Variants in LANCL3 observed in about 807,000 individuals in gnomAD.
LANCL3 encodes lanC-like protein 3.
LANCL3 carries 19 observed loss-of-function variants against 26.5 expected under a neutral mutation model. The observed-to-expected ratio is 0.72, with a 90% CI of 0.50 to 1.05. The LOEUF is 1.05. Ranked by LOEUF, LANCL3 falls within the 50% of genes least tolerant of loss-of-function variation. The pLI is 0.00. For missense variants in LANCL3, 318 were observed against 362.7 expected (o/e 0.88, Z 1.00); for synonymous variants, 160 against 166.6 (o/e 0.96, Z 0.30).
rs781997699 is a variant in LANCL3, at chrX:37,627,677, T to C, written c.574-28011T>C. On this transcript the variant is annotated intron_variant, in intron 1 of 4. Transcript: ENST00000378619. ...GCCAACACTGAGGTATTGGCATTACTCAGTGAGAGAGTGCTAGCACCTCAG... is the reference window on the plus strand; with the variant it reads ...GCCAACACTGAGGTATTGGCATTACCCAGTGAGAGAGTGCTAGCACCTCAG... 1.2e-4 allele frequency among the ~76,000 whole-genome samples: 13 copies of C among 111,764 alleles called. No homozygotes were observed. The East Asian group carries it at 3.7e-3, about 32-fold the overall frequency.
intron 1 of LANCL3, among the ~76,000 whole-genome samples, chrX:37,644,705 C>T (rs1390797950): frequency 8.9e-6 from 1 of 112,364 alleles, no homozygotes; most frequent in African/African-American, 3.2e-5. Context: ...CCCTGTAGCC[C>T]TCCTCTTCTT....
At chrX:37,657,220 G>T (rs1413326004) in intron 2 of LANCL3, among the ~76,000 whole-genome samples, 5 of 112,845 alleles carry the variant, frequency 4.4e-5, no homozygotes, top group Non-Finnish European at 7.5e-5. Flanking sequence ...TACTCCTGTG[G>T]CCAGAGAAAG....
chrX:37,637,409 A>G (rs1444805591), intron 1 of LANCL3, among the ~76,000 whole-genome samples: 2 of 111,933 alleles, frequency 1.8e-5, no homozygotes, highest in Non-Finnish European at 3.8e-5. Context: ...TTGCCATGTC[A>G]TATAACACTA....
intron 1 of LANCL3, among the ~76,000 whole-genome samples, chrX:37,603,010 C>T (rs7888764): frequency 0.19 from 20,930 of 111,175 alleles, 3,107 homozygotes; most frequent in African/African-American, 0.51. Flanking sequence ...AAAAGACAAA[C>T]TTTAATTTAG....
chrX:37,637,322 A>G (rs1364526853), intron 1 of LANCL3, among the ~76,000 whole-genome samples: 3 of 111,899 alleles, frequency 2.7e-5, no homozygotes, highest in Non-Finnish European at 5.6e-5. Context: ...GTCCTTACTA[A>G]TATAACCCTA....
intron 1 of LANCL3, among the ~76,000 whole-genome samples, chrX:37,628,383 C>T (rs1556423452): frequency 5.4e-5 from 6 of 110,994 alleles, no homozygotes; most frequent in Admixed American, 9.6e-5. Flanking sequence ...AACTATCCTA[C>T]ATTAATGAAG....
rs143577792 is a variant in LANCL3, at chrX:37,617,609, A to G, written c.574-38079A>G. ...TAGAACATAAGACTACCAGTATACC[A>G]GGGTCTGTTCAACTTTCCATGACTT... On this transcript the variant is annotated intron_variant, in intron 1 of 4. Coordinates refer to ENST00000378619, the MANE Select transcript of LANCL3 (RefSeq NM_001170331.2). 5.3e-3 allele frequency among the ~76,000 whole-genome samples: 588 copies of G among 111,877 alleles called. 2 individuals are homozygous for G. Among genetic ancestry groups the G allele is most frequent in the African/African-American group, 0.018 (560 of 30,712 alleles).
chrX:37,649,555 A>T (rs1282294099), intron 1 of LANCL3, among the ~76,000 whole-genome samples: 6 of 111,976 alleles, frequency 5.4e-5, no homozygotes, highest in Admixed American at 1.9e-4. Context: ...CACATTCTGC[A>T]CATGTATCCC....
At chrX:37,656,044 A>G (rs1207088909) in intron 2 of LANCL3, among the ~76,000 whole-genome samples, 2 of 112,134 alleles carry the variant, frequency 1.8e-5, no homozygotes, top group African/African-American at 6.5e-5. Context: ...TACTTTCACT[A>G]AAGACTAATA....
At chrX:37,649,191 C>G (rs1159274470) in intron 1 of LANCL3, among the ~76,000 whole-genome samples, 1 of 112,095 alleles carries the variant, frequency 8.9e-6, no homozygotes, top group Admixed American at 9.4e-5. Context: ...ATAGCAAAGT[C>G]ATGGAAACAA....
At chrX:37,584,008 C>G (rs1220739648) in intron 1 of LANCL3, among the ~76,000 whole-genome samples, 20 of 111,661 alleles carry the variant, frequency 1.8e-4, no homozygotes, top group Non-Finnish European at 3.6e-4. Flanking sequence ...ACCTAATTTA[C>G]TGAGAGTTTT....
intron 4 of LANCL3, among the ~76,000 whole-genome samples, chrX:37,672,719 G>T (rs1468932182): frequency 1.8e-5 from 2 of 111,255 alleles, no homozygotes; most frequent in African/African-American, 6.6e-5. Context: ...GCATATCTTG[G>T]CACTCACAAC....
At position 37,680,568 on chromosome X, in the gene LANCL3, G is replaced by T. The variant is rs1274949647; in HGVS notation, c.*4755G>T. The T allele has an allele frequency of 9.0e-6, 1 of 111,580 alleles. No homozygotes were observed. The highest frequency in any genetic ancestry group is 3.3e-5 in the African/African-American group (1 of 30,595). 9.2% of individuals were successfully genotyped at this position (111,580 alleles called of 1,213,427 possible). A position where few individuals can be genotyped will look rare whatever the true frequency, so the allele number is the denominator to read the frequency against. ...TAATTACCCCCTCTGAACTGAATTT[G>T]AAAAAATTAATTAAAATAACCGAAT... On this transcript the variant is annotated 3_prime_UTR_variant, in exon 5 of 5. Transcript: ENST00000378619.
At chrX:37,622,244 C>T (rs960190300) in intron 1 of LANCL3, among the ~76,000 whole-genome samples, 2 of 111,280 alleles carry the variant, frequency 1.8e-5, no homozygotes, top group Admixed American at 1.9e-4. Context: ...TACTTTAGCT[C>T]ATTTTACAAC....
intron 1 of LANCL3, among the ~76,000 whole-genome samples, chrX:37,629,329 C>T (rs1556423684): frequency 9.4e-6 from 1 of 106,760 alleles, no homozygotes; most frequent in Non-Finnish European, 1.9e-5. Flanking sequence ...TTTGAGTTCA[C>T]TGTAGATTCT....
intron 1 of LANCL3, among the ~76,000 whole-genome samples, chrX:37,644,246 A>C (rs1347160035): frequency 9.0e-6 from 1 of 111,501 alleles, no homozygotes; most frequent in African/African-American, 3.3e-5. Context: ...TTAGAAATGC[A>C]AGACCTCAGG....
At chrX:37,629,406 C>A (rs1349600161) in intron 1 of LANCL3, among the ~76,000 whole-genome samples, 3 of 109,556 alleles carry the variant, frequency 2.7e-5, no homozygotes, top group African/African-American at 1.0e-4. Flanking sequence ...GTTGCCTGTT[C>A]ACTCTGATGG....
chrX:37,614,130 T>C (rs12846632), intron 1 of LANCL3, among the ~76,000 whole-genome samples: 1 of 111,784 alleles, frequency 8.9e-6, no homozygotes, highest in African/African-American at 3.3e-5. Flanking sequence ...CTCTTTTACT[T>C]CCTCTTTTGT....
At chrX:37,586,758 C>T (rs781786555) in intron 1 of LANCL3, among the ~76,000 whole-genome samples, 172 of 112,073 alleles carry the variant, frequency 1.5e-3, no homozygotes, top group African/African-American at 5.2e-3. Context: ...CCCTTTAGCT[C>T]GGAGAAGTTT....
Sources: gnomAD v4.1 joint callset for allele counts (sites outside exome capture counted in the v4.1 genomes callset) on GRCh38, gnomAD v4.1.1 for gene constraint, MANE v1.5 for transcripts, NCBI Gene and HGNC (gene_info 2026-07-23, HGNC 2026-07-21) for gene names.